The following ABCA7 variants were observed in gnomAD, a reference collection of about 807,000 sequenced individuals.
ABCA7 encodes the protein phospholipid-transporting ATPase ABCA7.
ABCA7 carries 261 observed loss-of-function variants against 227.6 expected under a neutral mutation model. The observed-to-expected ratio is 1.15, with a 90% CI of 1.04 to 1.27. ABCA7 has a LOEUF of 1.27. Ranked by LOEUF, ABCA7 falls within the 50% of genes most tolerant of loss-of-function variation. The pLI is 0.00. For missense variants in ABCA7, 3,331 were observed against 2,924.5 expected, an observed-to-expected ratio of 1.14 and a Z score of -3.21; for synonymous variants, 1,488 against 1,279.7, an observed-to-expected ratio of 1.16 and a Z score of -3.47.
intron 45 of ABCA7, 45 bp from the exon 46 acceptor site, chr19:1,064,886 C>T: frequency 1.3e-6 from 2 of 1,535,588 alleles, no homozygotes; most frequent in Non-Finnish European, 1.8e-6. Context: ...TGAGGTGGGA[C>T]CTGGGAAAGG....
chr19:1,052,007 G>A lies in ABCA7; in HGVS notation c.3028G>A (p.Val1010Met), dbSNP rs766698472. ...AGAGCTGCTGGGAGACCGTGTGGCC[G>A]TGGTGGCAGGTGGCCGCTTGTGCTG... ...EAELLGDRVA[V>M]VAGGRLCCCG... The change falls in exon 22 of 47, where the codon GTG (valine) becomes ATG (methionine). Residue 1010 changes from valine to methionine, a missense_variant. Transcript: ENST00000263094. 2.9e-5 allele frequency: 47 copies of A among 1,612,054 alleles called. No homozygotes were observed. The highest frequency in any genetic ancestry group is 3.4e-5 in the Non-Finnish European group (40 of 1,179,892).
intron 19 of ABCA7, 24 bp from the exon 20 acceptor site, chr19:1,051,131 C>T: frequency 6.2e-7 from 1 of 1,609,536 alleles, no homozygotes; most frequent in Middle Eastern, 1.7e-4. Flanking sequence ...ATGTGGGTCA[C>T]TCTGCTCTGT....
chr19:1,053,690 G>C (rs2041987051), intron 24 of ABCA7, 98 bp from the exon 25 acceptor site: 3 of 1,541,164 alleles, frequency 1.9e-6, no homozygotes, highest in Non-Finnish European at 2.6e-6. Flanking sequence ...CCCTTGGGAA[G>C]GCCTGGGGGA....
chr19:1,056,264 T>A lies in ABCA7; in HGVS notation c.4416+21T>A. ...TCAAGGTGGGAACTGGGGGGGCAGG[T>A]GGGCGTCCTGTCACAGCAAGGTCCA... On this transcript the variant is annotated intron_variant, in intron 32 of 46. Transcript: ENST00000263094. The surrounding 1 kb of genome is among the most constrained non-coding windows in gnomAD (Gnocchi z 4.3). 4.4e-6 allele frequency: 7 copies of A among 1,589,738 alleles called. No homozygotes were observed. Among genetic ancestry groups the A allele is most frequent in the Non-Finnish European group, 6.0e-6 (7 of 1,166,176 alleles).
At position 1,047,659 on chromosome 19, in the gene ABCA7, G is replaced by A. The variant is rs779064778; in HGVS notation, c.2269+5G>A. 11 of 1,587,350 alleles carry A rather than the reference G, an allele frequency of 6.9e-6. No individual in the cohort carries two copies. ...ACCTGGAAGCTGTGTGCCCAGGTGG[G>A]CCGTAGGGGGCGGGGCTCCGGGCCG... On this transcript the variant is annotated splice_donor_5th_base_variant and intron_variant, in intron 16 of 46. Transcript: ENST00000263094.
At chr19:1,060,065 A>T (rs1312103113) in intron 40 of ABCA7, among the ~76,000 whole-genome samples, 5 of 152,164 alleles carry the variant, frequency 3.3e-5, no homozygotes, top group Admixed American at 3.3e-4. Context: ...TTTATCAGGC[A>T]CCTGCTTTGT....
intron 16 of ABCA7, among the ~76,000 whole-genome samples, chr19:1,048,399 G>A (rs2040939344): frequency 6.7e-6 from 1 of 148,980 alleles, no homozygotes; most frequent in Non-Finnish European, 1.5e-5. Flanking sequence ...GGAAGGCAGA[G>A]GCAGGAGAAA....
intron 34 of ABCA7, 26 bp from the exon 35 acceptor site, chr19:1,057,288 A>G (rs1358402733): frequency 2.5e-6 from 4 of 1,611,996 alleles, no homozygotes; most frequent in Non-Finnish European, 3.4e-6. Context: ...TTAGGCTGAT[A>G]AAGGTAACTG....
chr19:1,044,234 C>T (rs1325048147), intron 10 of ABCA7, among the ~76,000 whole-genome samples: 1 of 134,242 alleles, frequency 7.4e-6, no homozygotes, highest in East Asian at 2.1e-4. Flanking sequence ...ACTACCACGT[C>T]CTGCTTTTTT....
Position 1,064,240 on chromosome 19 carries a change from C to T in ABCA7, c.6031C>T (p.His2011Tyr), listed in dbSNP as rs1210713431. 56 of 1,564,704 alleles carry T rather than the reference C, an allele frequency of 3.6e-5. No homozygotes were observed. Among genetic ancestry groups the T allele is most frequent in the Non-Finnish European group, 4.7e-5 (54 of 1,156,362 alleles). Residue 2011 changes from histidine (H) to tyrosine (Y), a missense_variant, in exon 45 of 47, where the codon CAT (histidine) becomes TAT (tyrosine). Physicochemically the swap from His to Tyr is moderately conservative, Grantham distance 83 (BLOSUM62 2). Coordinates refer to ENST00000263094, the MANE Select transcript of ABCA7 (RefSeq NM_019112.4). ...GRFRCLGSPQHLKGRFAAGHT... is the reference protein window; with the variant it reads ...GRFRCLGSPQYLKGRFAAGHT... ...GTTCCGCTGCCTGGGCAGCCCGCAA[C>T]ATCTCAAGGGCAGGTGAGCCGGCGC... is the stretch of plus-strand genomic sequence containing the variant.
At chr19:1,040,985 A>C (rs1340534061) in intron 1 of ABCA7, among the ~76,000 whole-genome samples, 1 of 152,084 alleles carries the variant, frequency 6.6e-6, no homozygotes, top group African/African-American at 2.4e-5. Flanking sequence ...GACCTGGAAG[A>C]GGCTTCCAGG....
At chr19:1,062,121 T>C (rs2042695737) in intron 41 of ABCA7, 51 bp from the exon 42 acceptor site, 2 of 1,594,940 alleles carry the variant, frequency 1.3e-6, no homozygotes, top group Non-Finnish European at 1.7e-6. Context: ...TAGCCACCAG[T>C]ATGGTCAGGG....
At chr19:1,048,678 G>A (rs1216837009) in intron 16 of ABCA7, among the ~76,000 whole-genome samples, 7 of 150,966 alleles carry the variant, frequency 4.6e-5, no homozygotes, top group Non-Finnish European at 8.9e-5. Flanking sequence ...GCATGGTGGC[G>A]GGCGCCTGTA....
chr19:1,064,563 G>A (rs2042912179), intron 45 of ABCA7: 1 of 474,750 alleles, frequency 2.1e-6, no homozygotes, highest in Non-Finnish European at 3.7e-6. Flanking sequence ...GGAGGGCCTG[G>A]TTAGTGGGCG....
At chr19:1,057,485 A>G in intron 35 of ABCA7, 56 bp downstream of exon 35, 2 of 1,491,820 alleles carry the variant, frequency 1.3e-6, no homozygotes, top group Non-Finnish European at 9.3e-7. Flanking sequence ...TGCCTTCCAC[A>G]TTAATGCTGC....
In ABCA7 at chr19:1,051,161, C is replaced by T. The variant is rs375767923; in HGVS notation, c.2691C>T (p.Thr897=). 66 of 1,611,056 alleles carry T rather than the reference C, an allele frequency of 4.1e-5. No individual in the cohort carries two copies. Among genetic ancestry groups the T allele is most frequent in the Non-Finnish European group, 5.3e-5 (63 of 1,179,908 alleles). Residue 897 remains threonine (T), a synonymous_variant, in exon 20 of 47, where the codon ACC becomes ACT. Transcript: ENST00000263094. ...CTCTGTGCACTGGCCGCAGGCTGACCGTGGACGAGCACGTCTGGTTCTATG... is the reference window on the plus strand; with the variant it reads ...CTCTGTGCACTGGCCGCAGGCTGACTGTGGACGAGCACGTCTGGTTCTATG... The part of the protein sequence containing the change: ...PQYNVLFDML[T]VDEHVWFYGR...
In ABCA7 at chr19:1,058,892, C is replaced by A; in HGVS notation, c.5352C>A (p.Val1784=). 1.3e-6 allele frequency: 2 copies of A among 1,585,216 alleles called. No individual in the cohort carries two copies. Among genetic ancestry groups the A allele is most frequent in the South Asian group, 2.3e-5 (2 of 87,140 alleles). Residue 1784 remains valine, a synonymous_variant, in exon 39 of 47, where the codon GTC becomes GTA. Coordinates refer to ENST00000263094, the MANE Select transcript of ABCA7 (RefSeq NM_019112.4). ...EDVARERERV[V]QGATQGDVLV... Reference sequence around the variant, plus strand: ...TAGCCCGTGAACGGGAGCGGGTGGTCCAAGGAGCCACCCAGGGGGATGTGT... The same window carrying A: ...TAGCCCGTGAACGGGAGCGGGTGGTACAAGGAGCCACCCAGGGGGATGTGT...
intron 1 of ABCA7, 113 bp from the exon 2 acceptor site, chr19:1,041,112 G>A (rs1057451008): frequency 2.6e-5 from 15 of 585,600 alleles, no homozygotes; most frequent in South Asian, 2.2e-4. Flanking sequence ...GACAGTCCTG[G>A]CAGCCAATCA....
intron 9 of ABCA7, 107 bp from the exon 10 acceptor site, chr19:1,043,618 G>A: frequency 1.3e-6 from 2 of 1,545,170 alleles, no homozygotes; most frequent in Admixed American, 1.7e-5. Flanking sequence ...GGATCAGCTT[G>A]TGCGGAGGAT....
Sources: gnomAD v4.1 joint callset for allele counts (sites outside exome capture counted in the v4.1 genomes callset) on GRCh38, gnomAD v4.1.1 for gene constraint, Gnocchi (gnomAD v3.1) non-coding constraint, MANE v1.5 for transcripts, NCBI Gene and HGNC (gene_info 2026-07-23, HGNC 2026-07-21) for gene names.